The following ZBTB8A variants were observed in gnomAD, a reference collection of about 807,000 sequenced individuals.
ZBTB8A encodes the protein zinc finger and BTB domain-containing protein 8A.
Under a neutral mutation model 37.8 loss-of-function variants are expected in ZBTB8A, and 19 were observed. The ratio of observed to expected loss-of-function variants is 0.50; its 90% CI spans 0.35 to 0.74. The LOEUF (loss-of-function observed/expected upper bound fraction) is 0.74, where lower values mean the gene tolerates loss of function less well. Among genes scored for constraint, ZBTB8A ranks in the 30% least tolerant of loss-of-function variants. The pLI, the probability that ZBTB8A is intolerant of heterozygous loss-of-function variation, is 0.01. For synonymous variants in ZBTB8A, 181 were observed against 185.2 expected (o/e 0.98, Z 0.19); for missense variants, 394 against 537.8 (o/e 0.73, Z 2.65).
In ZBTB8A at chr1:32,592,962, C is replaced by T. The variant is rs1391578274; in HGVS notation, c.31C>T (p.Leu11=). The change falls in exon 3 of 5, where the codon CTG becomes TTG. Residue 11 remains leucine, a synonymous_variant. Transcript: ENST00000373510. MEISSHQSHL[L]QQLNEQRRQD... ...GATCTCCTCTCATCAGTCTCACCTC[C>T]TGCAGCAACTGAACGAGCAGCGCAG... 1.2e-6 allele frequency: 2 copies of T among 1,613,362 alleles called. No individual in the cohort carries two copies. The highest frequency in any genetic ancestry group is 1.7e-6 in the Non-Finnish European group (2 of 1,179,540).
At chr1:32,548,252 C>T (rs1203067423) in intron 1 of ZBTB8A, among the ~76,000 whole-genome samples, 2 of 150,622 alleles carry the variant, frequency 1.3e-5, no homozygotes, top group African/African-American at 2.4e-5. Flanking sequence ...TTGAAATGAT[C>T]GCTCTCACTC....
intron 2 of ZBTB8A, among the ~76,000 whole-genome samples, chr1:32,577,610 G>A (rs1038050452): frequency 4.1e-5 from 1 of 24,516 alleles, no homozygotes; most frequent in Non-Finnish European, 7.5e-5. Context: ...TTTTTTTTTT[G>A]AGACAGAGTC....
chr1:32,565,997 C>T (rs557217063), intron 2 of ZBTB8A, among the ~76,000 whole-genome samples: 3 of 151,820 alleles, frequency 2.0e-5, no homozygotes, highest in Admixed American at 6.6e-5. Context: ...GTCAGGAGAT[C>T]GAGACCATCC....
chr1:32,555,395 A>C (rs1443928161), intron 2 of ZBTB8A, among the ~76,000 whole-genome samples: 1 of 152,058 alleles, frequency 6.6e-6, no homozygotes, highest in Non-Finnish European at 1.5e-5. Flanking sequence ...TCTCAAAAAT[A>C]ATAATAATAA....
chr1:32,587,172 G>A (rs915620934), intron 2 of ZBTB8A, among the ~76,000 whole-genome samples: 16 of 151,812 alleles, frequency 1.1e-4, no homozygotes, highest in African/African-American at 2.9e-4. Context: ...TCTGGAGGCC[G>A]AGGTTTCAGT....
intron 2 of ZBTB8A, among the ~76,000 whole-genome samples, chr1:32,575,591 A>G (rs1007732368): frequency 2.6e-5 from 4 of 151,842 alleles, no homozygotes; most frequent in East Asian, 1.9e-4. Context: ...GCTCACGCCT[A>G]TAATCCCAAT....
At position 32,577,586 on chromosome 1, in the gene ZBTB8A, C is replaced by CTTT. The variant is rs775868211; in HGVS notation, c.-1-15324_-1-15322dup. Among the ~76,000 whole-genome samples, 278 of 86,776 alleles carry CTTT rather than the reference C, an allele frequency of 3.2e-3. 3 individuals are homozygous for CTTT. The highest frequency in any genetic ancestry group is 5.3e-3 in the African/African-American group (110 of 20,798). The allele number at this position is 86,776 out of a possible 152,430, so 56.9% of individuals were successfully genotyped here. The stretch of plus-strand genomic sequence containing the variant: ...CATTTTTAATTTCAGATATTGTATT[C>CTTT]TTTTTTTTTTTTTTTTTTTTTTTGA... On this transcript the variant is annotated intron_variant, in intron 2 of 4. Transcript: ENST00000373510.
At chr1:32,549,671 G>A (rs772002121) in intron 1 of ZBTB8A, among the ~76,000 whole-genome samples, 1 of 151,980 alleles carries the variant, frequency 6.6e-6, no homozygotes, top group Admixed American at 6.6e-5. Context: ...TCGAGTTTAC[G>A]GTGAGCTGGG....
At position 32,603,940 on chromosome 1, in the gene ZBTB8A, A is replaced by G. The variant is rs973149966; in HGVS notation, c.*3521A>G. ...ATATATATCTAAGACGTTAGAGACC[A>G]GTTATTTTCTAGAGTGAAACTGTCT... On this transcript the variant is annotated 3_prime_UTR_variant, in exon 5 of 5. Transcript: ENST00000373510. 1 of 152,274 alleles carries G rather than the reference A, an allele frequency of 6.6e-6. No individual in the cohort carries two copies. The highest frequency in any genetic ancestry group is 1.5e-5 in the Non-Finnish European group (1 of 68,038). The allele number at this position is 152,274 out of a possible 1,614,324, so 9.4% of individuals were successfully genotyped here.
At chr1:32,548,731 T>C (rs1203111769) in intron 1 of ZBTB8A, among the ~76,000 whole-genome samples, 3 of 152,106 alleles carry the variant, frequency 2.0e-5, no homozygotes, top group Admixed American at 1.3e-4. Context: ...TTTAGATAAT[T>C]AATAATAATA....
rs1644567533 is a variant in ZBTB8A, at chr1:32,600,480, C to G, written c.*61C>G. On this transcript the variant is annotated 3_prime_UTR_variant, in exon 5 of 5. Coordinates refer to ENST00000373510, the MANE Select transcript of ZBTB8A (RefSeq NM_001040441.3). ...ATTTACATTGACTTCCTGTATCTCTCTCTTTCTATGGTCGGAGTCTAGTTA... is the reference window on the plus strand; with the variant it reads ...ATTTACATTGACTTCCTGTATCTCTGTCTTTCTATGGTCGGAGTCTAGTTA... The G allele has an allele frequency of 7.9e-7, 1 of 1,269,084 alleles. No homozygotes were observed. Among genetic ancestry groups the G allele is most frequent in the Non-Finnish European group, 1.1e-6 (1 of 908,524 alleles). The allele number at this position is 1,269,084 out of a possible 1,614,324, so 78.6% of individuals were successfully genotyped here. A position where few individuals can be genotyped will look rare whatever the true frequency, so the allele number is the denominator to read the frequency against.
chr1:32,595,341 C>T (rs1440778279), intron 4 of ZBTB8A, 118 bp downstream of exon 4: 14 of 986,822 alleles, frequency 1.4e-5, no homozygotes, highest in Non-Finnish European at 2.1e-5. Flanking sequence ...AATCTCAGCT[C>T]GCTGCAACCT....
intron 2 of ZBTB8A, among the ~76,000 whole-genome samples, chr1:32,567,120 T>TA (rs1022235901): frequency 6.6e-6 from 1 of 152,104 alleles, no homozygotes; most frequent in African/African-American, 2.4e-5. Flanking sequence ...AAAGGAAGCA[T>TA]GACTGGGCAG....
At position 32,604,471 on chromosome 1, in the gene ZBTB8A, T is replaced by TA. The variant is rs1351581922; in HGVS notation, c.*4053dup. 3.3e-5 allele frequency: 5 copies of TA among 152,186 alleles called. No homozygotes were observed. Among genetic ancestry groups the TA allele is most frequent in the African/African-American group, 1.2e-4 (5 of 41,456 alleles). 9.4% of individuals were successfully genotyped at this position (152,186 alleles called of 1,614,324 possible). On this transcript the variant is annotated 3_prime_UTR_variant, in exon 5 of 5. Coordinates refer to ENST00000373510, the MANE Select transcript of ZBTB8A (RefSeq NM_001040441.3). ...TTTGAGCCTTGCAGCCTCATTTCGT[T>TA]ACTCCTGTTACTCACGGTGCTTATA...
chr1:32,569,705 C>A (rs539942465), intron 2 of ZBTB8A, among the ~76,000 whole-genome samples: 13 of 151,134 alleles, frequency 8.6e-5, no homozygotes, highest in African/African-American at 2.9e-4. Flanking sequence ...TTTTCCTTTC[C>A]TTAATGGTAT....
chr1:32,565,564 G>A (rs897003299), intron 2 of ZBTB8A, among the ~76,000 whole-genome samples: 1 of 150,168 alleles, frequency 6.7e-6, no homozygotes, highest in Admixed American at 6.6e-5. Context: ...TGAGGTGAGA[G>A]GACCTCTTGA....
intron 1 of ZBTB8A, among the ~76,000 whole-genome samples, chr1:32,546,843 G>T (rs1316094436): frequency 6.6e-6 from 1 of 152,130 alleles, no homozygotes; most frequent in Non-Finnish European, 1.5e-5. Context: ...CTGTCTCCCT[G>T]GCGCTGTTGG....
intron 1 of ZBTB8A, 110 bp downstream of exon 1, chr1:32,539,682 G>C (rs1006548129): frequency 5.5e-4 from 2 of 3,642 alleles, no homozygotes; most frequent in Admixed American, 2.8e-3. Flanking sequence ...GGCAGTGCTG[G>C]GATGCGGGCC....
At chr1:32,572,683 C>T (rs1357611125) in intron 2 of ZBTB8A, among the ~76,000 whole-genome samples, 4 of 152,162 alleles carry the variant, frequency 2.6e-5, no homozygotes, top group Non-Finnish European at 5.9e-5. Flanking sequence ...AGGCATGAAC[C>T]ACTATGCCCG....
Sources: gnomAD v4.1 joint callset for allele counts (sites outside exome capture counted in the v4.1 genomes callset) on GRCh38, gnomAD v4.1.1 for gene constraint, MANE v1.5 for transcripts, NCBI Gene and HGNC (gene_info 2026-07-23, HGNC 2026-07-21) for gene names.